The following C1orf94 variants were observed in gnomAD, a reference collection of about 807,000 sequenced individuals.
The protein encoded by C1orf94 is chromosome 1 open reading frame 94.
In C1orf94, 45 loss-of-function variants were observed where a neutral mutation model predicts 53.6. The observed-to-expected ratio is 0.84, with a 90% CI of 0.66 to 1.08. C1orf94 has a LOEUF of 1.08. Among genes scored for constraint, C1orf94 ranks in the 50% least tolerant of loss-of-function variants. C1orf94 has a pLI of 0.00. For missense variants in C1orf94, 762 were observed against 738.9 expected (o/e 1.03, Z -0.36); for synonymous variants, 304 against 296.1 (o/e 1.03, Z -0.27).
chr1:34,217,648 C>G (rs1643012290), intron 6 of C1orf94, among the ~76,000 whole-genome samples: 1 of 152,236 alleles, frequency 6.6e-6, no homozygotes, highest in Admixed American at 6.5e-5. Flanking sequence ...CCCAGCCCAA[C>G]TTGCCCATGG....
At chr1:34,210,240 AC>A (rs1642867250) in intron 5 of C1orf94, among the ~76,000 whole-genome samples, 1 of 152,126 alleles carries the variant, frequency 6.6e-6, no homozygotes, top group Non-Finnish European at 1.5e-5. Flanking sequence ...TGCCATGCTG[AC>A]CCATAGGGTC....
chr1:34,201,163 A>G (rs1188590743), intron 3 of C1orf94, 131 bp downstream of exon 3: 2 of 1,297,402 alleles, frequency 1.5e-6, no homozygotes, highest in Non-Finnish European at 1.0e-6. Flanking sequence ...TTTTAAACCC[A>G]TAAAATGGGG....
intron 1 of C1orf94, among the ~76,000 whole-genome samples, chr1:34,194,247 G>T (rs1217091272): frequency 6.6e-6 from 1 of 152,234 alleles, no homozygotes; most frequent in Non-Finnish European, 1.5e-5. Context: ...CACCCAGCTT[G>T]TGCTAAGTGT....
intron 1 of C1orf94, among the ~76,000 whole-genome samples, chr1:34,170,813 A>G (rs1642135401): frequency 6.6e-6 from 1 of 151,960 alleles, no homozygotes; most frequent in Admixed American, 6.6e-5. Flanking sequence ...ACATCCACCC[A>G]GATCCTGAGC....
intron 1 of C1orf94, among the ~76,000 whole-genome samples, chr1:34,181,616 G>A (rs539449487): frequency 3.9e-5 from 6 of 152,120 alleles, no homozygotes; most frequent in Non-Finnish European, 7.4e-5. Flanking sequence ...TTCTAGTATA[G>A]GAGAAAAAAG....
rs1375458310 is a variant in C1orf94, at chr1:34,197,801, A to G, written c.897A>G (p.Ala299=). The change falls in exon 2 of 7, where the codon GCA becomes GCG. Residue 299 remains alanine, a synonymous_variant. Transcript: ENST00000488417. This position sits in a 1 kb window ranked among gnomAD's most constrained non-coding sequence, Gnocchi z 4.1. ...FLLLPPRPPP[A]RPDKLPELPA... Reference sequence around the variant, plus strand: ...TGCTGCCTCCCCGACCTCCTCCTGCACGTCCTGACAAGCTCCCTGAGCTCC... The same window carrying G: ...TGCTGCCTCCCCGACCTCCTCCTGCGCGTCCTGACAAGCTCCCTGAGCTCC... 45 of 1,614,200 alleles carry G rather than the reference A, an allele frequency of 2.8e-5. No individual in the cohort carries two copies. The highest frequency in any genetic ancestry group is 3.7e-5 in the Non-Finnish European group (44 of 1,180,042).
At chr1:34,206,581 G>A (rs926823564) in intron 4 of C1orf94, among the ~76,000 whole-genome samples, 2 of 152,218 alleles carry the variant, frequency 1.3e-5, no homozygotes, top group Admixed American at 6.5e-5. Flanking sequence ...ACAGGCAGGC[G>A]CACGACTGCC....
intron 1 of C1orf94, among the ~76,000 whole-genome samples, chr1:34,182,380 C>T (rs907737797): frequency 6.6e-6 from 1 of 152,102 alleles, no homozygotes; most frequent in African/African-American, 2.4e-5. Context: ...TTTTATTCCA[C>T]ATGTTATGGA....
At chr1:34,203,603 C>A (rs544162548) in intron 4 of C1orf94, among the ~76,000 whole-genome samples, 1 of 152,222 alleles carries the variant, frequency 6.6e-6, no homozygotes, top group South Asian at 2.1e-4. Context: ...TAAACTACAC[C>A]AAGCAGTCTT....
At position 34,177,891 on chromosome 1, in the gene C1orf94, G is replaced by A. The variant is rs546331689; in HGVS notation, c.102G>A (p.Ser34=). The A allele has an allele frequency of 3.2e-6, 5 of 1,551,644 alleles. No homozygotes were observed. The highest frequency in any genetic ancestry group is 2.0e-5 in the Admixed American group (1 of 51,008). The change falls in exon 1 of 7, where the codon TCG becomes TCA. Residue 34 remains serine (S), a synonymous_variant. Coordinates refer to ENST00000488417, the MANE Select transcript of C1orf94 (RefSeq NM_001134734.2). ...MASGNGLPSS[S]ALVAKGPCAL... Reference sequence around the variant, plus strand: ...GCGGGAATGGGCTTCCTTCATCCTCGGCCCTGGTGGCCAAGGGCCCCTGCG... The same window carrying A: ...GCGGGAATGGGCTTCCTTCATCCTCAGCCCTGGTGGCCAAGGGCCCCTGCG...
rs1642694418 is a variant in C1orf94 at position 34,200,889 on chromosome 1, C to T, written c.1127C>T (p.Thr376Ile). The change falls in exon 3 of 7, where the codon ACC becomes ATC. Residue 376 changes from threonine (T) to isoleucine (I), a missense_variant. Transcript: ENST00000488417. ...GAGGGTTGCTGTGACGCAGTGGGCA[C>T]CGCATCACTGACCCTGCCGCCCAAG... ...GEEGCCDAVG[T>I]ASLTLPPKKP... The T allele has an allele frequency of 2.5e-6, 4 of 1,614,134 alleles. No individual in the cohort carries two copies. The highest frequency in any genetic ancestry group is 3.4e-6 in the Non-Finnish European group (4 of 1,180,024).
At chr1:34,198,877 T>C (rs1048007060) in intron 2 of C1orf94, among the ~76,000 whole-genome samples, 2 of 152,154 alleles carry the variant, frequency 1.3e-5, no homozygotes, top group African/African-American at 2.4e-5. Context: ...TGGGGAGCTG[T>C]AGGAGAGAGA....
intron 1 of C1orf94, among the ~76,000 whole-genome samples, chr1:34,169,630 AGAGAGT>A (rs752423217): frequency 0.034 from 3,015 of 89,114 alleles, 148 homozygotes; most frequent in East Asian, 0.11. Context: ...AGAGAGAGAG[AGAGAGT>A]GAGCAAATGG....
chr1:34,197,816 C>G lies in C1orf94; in HGVS notation c.912C>G (p.Leu304=), dbSNP rs1642626469. 6.2e-7 allele frequency: 1 copy of G among 1,614,010 alleles called. No homozygotes were observed. Among genetic ancestry groups the G allele is most frequent in the Admixed American group, 1.7e-5 (1 of 60,014 alleles). Residue 304 remains leucine (L), a synonymous_variant, in exon 2 of 7, where the codon CTC becomes CTG. Coordinates refer to ENST00000488417, the MANE Select transcript of C1orf94 (RefSeq NM_001134734.2). This position sits in a 1 kb window ranked among gnomAD's most constrained non-coding sequence, Gnocchi z 4.1. ...PRPPPARPDK[L]PELPAQKRQL... ...CTCCTCCTGCACGTCCTGACAAGCTCCCTGAGCTCCCTGCTCAGAAGAGGC... is the reference window on the plus strand; with the variant it reads ...CTCCTCCTGCACGTCCTGACAAGCTGCCTGAGCTCCCTGCTCAGAAGAGGC...
chr1:34,182,103 A>G (rs1442365702), intron 1 of C1orf94, among the ~76,000 whole-genome samples: 2 of 152,228 alleles, frequency 1.3e-5, no homozygotes, highest in East Asian at 3.8e-4. Context: ...GTGAAGCGAA[A>G]GGAACACTTG....
rs944787973 is a variant in C1orf94, at chr1:34,198,053, G to A, written c.1009+140G>A. 160 of 954,540 alleles carry A rather than the reference G, an allele frequency of 1.7e-4. 1 individual carries two copies. Among genetic ancestry groups the A allele is most frequent in the Middle Eastern group, 1.3e-3 (4 of 3,016 alleles). The allele number at this position is 954,540 out of a possible 1,614,324, so 59.1% of individuals were successfully genotyped here. A position where few individuals can be genotyped will look rare whatever the true frequency, so the allele number is the denominator to read the frequency against. Reference sequence around the variant, plus strand: ...CAGCCTCTCTGGTGGGCACAGCCCCGAGGGACGGGCTGTTTCCAGCCCCCA... The same window carrying A: ...CAGCCTCTCTGGTGGGCACAGCCCCAAGGGACGGGCTGTTTCCAGCCCCCA... On this transcript the variant is annotated intron_variant, in intron 2 of 6. Transcript: ENST00000488417.
intron 1 of C1orf94, among the ~76,000 whole-genome samples, chr1:34,183,474 C>T (rs969590133): frequency 5.9e-5 from 9 of 152,210 alleles, no homozygotes; most frequent in African/African-American, 1.9e-4. Flanking sequence ...CCCAGGGACA[C>T]AGAGATAAGC....
chr1:34,188,167 C>G (rs907636844), intron 1 of C1orf94, among the ~76,000 whole-genome samples: 1 of 152,152 alleles, frequency 6.6e-6, no homozygotes. Context: ...GAAACCAGCA[C>G]TACAGGTGAC....
At chr1:34,202,336 T>C (rs1005917561) in intron 4 of C1orf94, 77 bp downstream of exon 4, 1 of 1,501,158 alleles carries the variant, frequency 6.7e-7, no homozygotes, top group Non-Finnish European at 9.1e-7. Flanking sequence ...TGGCAGGGGG[T>C]CTATTTCACA....
Sources: allele counts gnomAD v4.1 joint callset (sites outside exome capture counted in the v4.1 genomes callset), GRCh38; gene constraint gnomAD v4.1.1; non-coding constraint Gnocchi (gnomAD v3.1); transcripts MANE v1.5; gene names NCBI Gene and HGNC (gene_info 2026-07-23, HGNC 2026-07-21).